The following RTN4 variants were observed in gnomAD, a reference collection of about 807,000 sequenced individuals.
The protein encoded by RTN4 is reticulon 4.
A neutral mutation model predicts 90.4 loss-of-function variants in RTN4; 32 were observed. The ratio of observed to expected loss-of-function variants is 0.35; its 90% CI spans 0.27 to 0.48. The LOEUF is 0.48. Ranked by LOEUF, RTN4 falls within the 20% of genes least tolerant of loss-of-function variation. The pLI is 0.99. For missense variants in RTN4, 1,706 were observed against 1,430.2 expected (o/e 1.19, Z -3.11); for synonymous variants, 629 against 552.5 (o/e 1.14, Z -1.94).
chr2:55,058,640 A>G (rs1668233408), intron 2 of RTN4, among the ~76,000 whole-genome samples: 1 of 152,172 alleles, frequency 6.6e-6, no homozygotes, highest in Admixed American at 6.5e-5. Context: ...TGGTGATTAC[A>G]TTGGGTCTGC....
At chr2:54,981,283 GTT>G (rs1287152941) in intron 5 of RTN4, among the ~76,000 whole-genome samples, 30 of 145,286 alleles carry the variant, frequency 2.1e-4, no homozygotes, top group Non-Finnish European at 2.4e-4. Flanking sequence ...AAATGTTTTT[GTT>G]TTTTTTTTTT....
At chr2:55,111,912 G>T (rs375275876) in intron 1 of RTN4, among the ~76,000 whole-genome samples, 47 of 152,280 alleles carry the variant, frequency 3.1e-4, no homozygotes, top group Admixed American at 1.1e-3. Context: ...ATGACTCAGC[G>T]TGTTGAAATC....
At position 54,974,784 on chromosome 2, in the gene RTN4, G is replaced by GCCCATTAT; in HGVS notation, c.3361-28_3361-21dup. 1 of 1,601,338 alleles carries GCCCATTAT rather than the reference G, an allele frequency of 6.2e-7. No individual in the cohort carries two copies. The highest frequency in any genetic ancestry group is 8.5e-7 in the Non-Finnish European group (1 of 1,170,486). ...TGCAAACTATAAGAAAATAACATTA[G>GCCCATTAT]CCCATTATAAACAAAATTCAAGTAA... On this transcript the variant is annotated intron_variant, in intron 5 of 8. Coordinates refer to ENST00000337526, the MANE Select transcript of RTN4 (RefSeq NM_020532.5).
At chr2:55,051,833 A>T (rs1668096260), upstream of RTN4, among the ~76,000 whole-genome samples, 1 of 152,216 alleles carries the variant, frequency 6.6e-6, no homozygotes, top group African/African-American at 2.4e-5. Context: ...ATATATTGGG[A>T]TAAGTATAAT....
In RTN4 at chr2:55,049,750, G is replaced by A; in HGVS notation, c.551C>T (p.Ser184Leu). 2 of 1,348,796 alleles carry A rather than the reference G, an allele frequency of 1.5e-6. No homozygotes were observed. The highest frequency in any genetic ancestry group is 3.0e-5 in the East Asian group (1 of 33,070). The allele number at this position is 1,348,796 out of a possible 1,614,324, so 83.6% of individuals were successfully genotyped here. The change falls in exon 1 of 9, where the codon TCA becomes TTA. Residue 184 changes from serine (S) to leucine (L), a missense_variant. Physicochemically the swap from Ser to Leu is moderately radical, Grantham distance 145. Transcript: ENST00000337526. ...AAPKRRGSSG[S>L]VDETLFALPA... is the part of the protein sequence containing the mutation. ...CGAGAGGTCGCGGCACTCACCCACTGAGCCCGAGGAGCCCCTGCGCTTGGG... is the reference window on the plus strand; with the variant it reads ...CGAGAGGTCGCGGCACTCACCCACTAAGCCCGAGGAGCCCCTGCGCTTGGG...
At chr2:55,056,846 C>T (rs997866263) in intron 2 of RTN4, among the ~76,000 whole-genome samples, 2 of 152,100 alleles carry the variant, frequency 1.3e-5, no homozygotes, top group Non-Finnish European at 2.9e-5. Context: ...AAACACAGGT[C>T]GGAATTTTAA....
intron 3 of RTN4, among the ~76,000 whole-genome samples, chr2:55,004,855 G>C (rs374456749): frequency 1.6e-4 from 25 of 151,996 alleles, no homozygotes; most frequent in African/African-American, 4.8e-4. Context: ...CTTCCCTTAG[G>C]GGGGAAAAAA....
chr2:55,094,025 C>T (rs1003949165), intron 1 of RTN4, among the ~76,000 whole-genome samples: 2 of 152,040 alleles, frequency 1.3e-5, no homozygotes, highest in Non-Finnish European at 2.9e-5. Context: ...GGTGGCAGAG[C>T]GGATGGAGCC....
intron 2 of RTN4, among the ~76,000 whole-genome samples, chr2:55,069,225 G>A (rs1210075780): frequency 6.6e-6 from 1 of 152,172 alleles, no homozygotes; most frequent in East Asian, 1.9e-4. Context: ...TAATTAGACT[G>A]GTTTAGTCCA....
the RTN4 span, among the ~76,000 whole-genome samples, chr2:55,132,346 T>C: frequency 6.6e-6 from 1 of 151,598 alleles, no homozygotes; most frequent in Non-Finnish European, 1.5e-5. Flanking sequence ...CTACTAAAAA[T>C]ACAAAAATTA....
At chr2:55,009,941 G>A (rs1445033125) in intron 3 of RTN4, 6 of 825,376 alleles carry the variant, frequency 7.3e-6, no homozygotes, top group South Asian at 3.6e-5. Flanking sequence ...GTAAAAACAC[G>A]TGAGATAGCC....
intron 1 of RTN4, among the ~76,000 whole-genome samples, chr2:55,088,245 G>A (rs1405761622): frequency 6.6e-6 from 1 of 152,212 alleles, no homozygotes; most frequent in African/African-American, 2.4e-5. Flanking sequence ...AACTCAGTGA[G>A]TATTCATGGA....
chr2:55,019,031 C>A (rs1364184927), intron 3 of RTN4, among the ~76,000 whole-genome samples: 1 of 152,012 alleles, frequency 6.6e-6, no homozygotes, highest in Non-Finnish European at 1.5e-5. Flanking sequence ...CCCTCCCAAC[C>A]CCAAAGAAAG....
At chr2:55,024,061 A>G (rs976482774) in intron 3 of RTN4, among the ~76,000 whole-genome samples, 1 of 152,150 alleles carries the variant, frequency 6.6e-6, no homozygotes, top group Admixed American at 6.6e-5. Context: ...TATGTACATC[A>G]ATACCAACAT....
In RTN4 at chr2:55,025,718, T is replaced by C; in HGVS notation, c.2381A>G (p.Glu794Gly). Residue 794 changes from glutamate (E) to glycine (G), a missense_variant, in exon 3 of 9, where the codon GAG becomes GGG. Glu to Gly is a moderately conservative substitution (Grantham distance 98). Coordinates refer to ENST00000337526, the MANE Select transcript of RTN4 (RefSeq NM_020532.5). ...NKEKLSALPP[E>G]GGKPYLESFK... Reference sequence around the variant, plus strand: ...AGATTCCAAATATGGCTTTCCTCCCTCAGGTGGCAAAGCACTGAGTTTTTC... The same window carrying C: ...AGATTCCAAATATGGCTTTCCTCCCCCAGGTGGCAAAGCACTGAGTTTTTC... 4.3e-6 allele frequency: 7 copies of C among 1,613,796 alleles called. No homozygotes were observed. Among genetic ancestry groups the C allele is most frequent in the Non-Finnish European group, 5.9e-6 (7 of 1,179,834 alleles).
At position 54,973,577 on chromosome 2, in the gene RTN4, T is replaced by A; in HGVS notation, c.3522A>T (p.Lys1174Asn). The A allele has an allele frequency of 6.2e-7, 1 of 1,609,200 alleles. No homozygotes were observed. Among genetic ancestry groups the A allele is most frequent in the Non-Finnish European group, 8.5e-7 (1 of 1,175,604 alleles). Residue 1174 changes from lysine (K) to asparagine (N), a missense_variant, in exon 8 of 9, where the codon AAA (lysine) becomes AAT (asparagine). By Grantham distance (94) the Lys-to-Asn change is moderately conservative. Coordinates refer to ENST00000337526, the MANE Select transcript of RTN4 (RefSeq NM_020532.5). ...TAAATACTTACTTAGCCATAGCATCTTTAACATTCTTATTTGCAAGTCCTA... is the reference window on the plus strand; with the variant it reads ...TAAATACTTACTTAGCCATAGCATCATTAACATTCTTATTTGCAAGTCCTA... ...HYLGLANKNVKDAMAKIQAKI... is the reference protein window; with the variant it reads ...HYLGLANKNVNDAMAKIQAKI...
intron 1 of RTN4, 62 bp from the exon 2 acceptor site, chr2:55,028,282 A>G (rs538391558): frequency 3.4e-6 from 5 of 1,453,606 alleles, no homozygotes; most frequent in African/African-American, 2.8e-5. Context: ...GAGACTAAAG[A>G]TAAGAGGAGC....
At chr2:55,107,869 T>C (rs1398850833) in intron 1 of RTN4, among the ~76,000 whole-genome samples, 2 of 152,114 alleles carry the variant, frequency 1.3e-5, no homozygotes, top group African/African-American at 4.8e-5. Context: ...TAGATAAATA[T>C]ACACTAGATT....
chr2:55,083,034 T>C (rs1387082372), intron 1 of RTN4, among the ~76,000 whole-genome samples: 1 of 152,218 alleles, frequency 6.6e-6, no homozygotes, highest in Non-Finnish European at 1.5e-5. Context: ...CAAGCTGCAT[T>C]ATATATTTTA....
Sources: allele counts gnomAD v4.1 joint callset (sites outside exome capture counted in the v4.1 genomes callset), GRCh38; gene constraint gnomAD v4.1.1; transcripts MANE v1.5; gene names NCBI Gene and HGNC (gene_info 2026-07-23, HGNC 2026-07-21).